TENM1: variants seen among roughly 807,000 people sequenced by gnomAD.
The protein encoded by TENM1 is teneurin transmembrane protein 1, also known as teneurin-1.
Under a neutral mutation model 174.8 loss-of-function variants are expected in TENM1, and 35 were observed. The observed-to-expected ratio is 0.20, with a 90% CI of 0.15 to 0.27. TENM1 has a LOEUF of 0.27. Among genes scored for constraint, TENM1 ranks in the 10% least tolerant of loss-of-function variants. The probability of loss-of-function intolerance (pLI) is 1.00; values close to 1 mark genes in which losing one functional copy is unlikely to be tolerated. For synonymous variants in TENM1, 781 were observed against 798.7 expected, an observed-to-expected ratio of 0.98 and a Z score of 0.37; for missense variants, 1,633 against 2,130.1, an observed-to-expected ratio of 0.77 and a Z score of 4.59.
At chrX:124,696,556 A>C (rs1603021539) in intron 5 of TENM1, among the ~76,000 whole-genome samples, 1 of 110,532 alleles carries the variant, frequency 9.0e-6, no homozygotes, top group East Asian at 2.8e-4. Flanking sequence ...TCTCTTAAGC[A>C]TTGTACAACT....
chrX:124,660,966 A>G (rs2051585391), intron 6 of TENM1, among the ~76,000 whole-genome samples: 1 of 112,484 alleles, frequency 8.9e-6, no homozygotes, highest in African/African-American at 3.2e-5. Flanking sequence ...AATAGCCCAA[A>G]AGTGAAAATC....
At chrX:124,647,326 T>C (rs1026862978) in intron 8 of TENM1, among the ~76,000 whole-genome samples, 5 of 111,931 alleles carry the variant, frequency 4.5e-5, no homozygotes, top group African/African-American at 1.6e-4. Context: ...ATGGAAGGCT[T>C]TTAAAGTAAG....
exon 32 of TENM1, chrX:124,380,095 G>A (rs2060140050): frequency 8.6e-6 from 1 of 115,978 alleles, no homozygotes; most frequent in Admixed American, 9.3e-5. Context: ...AACGTCAAAG[G>A]GCTGGCAGTC....
the TENM1 span, among the ~76,000 whole-genome samples, chrX:125,005,189 T>TACACAC: frequency 1.9e-3 from 167 of 88,767 alleles, no homozygotes; most frequent in African/African-American, 6.0e-3. Flanking sequence ...GATGTATACA[T>TACACAC]ACACACACAC....
Position 124,465,307 on chromosome X carries a change from G to A in TENM1, c.3950-11816C>T, listed in dbSNP as rs746435669. ...TCTGTCGCCCAGGCTGGAGTGCAGT[G>A]GCATGATCACAACTCACTGCAGCCT... On this transcript the variant is annotated intron_variant, in intron 22 of 31. Coordinates refer to ENST00000422452, the Ensembl canonical transcript of TENM1. 7.2e-5 allele frequency among the ~76,000 whole-genome samples: 8 copies of A among 111,888 alleles called. No homozygotes were observed. The South Asian group carries it at 3.0e-3, about 42-fold the overall frequency.
the TENM1 span, among the ~76,000 whole-genome samples, chrX:125,062,402 T>C: frequency 9.0e-6 from 1 of 111,508 alleles, no homozygotes; most frequent in Admixed American, 9.6e-5. Flanking sequence ...TCAGTGCATA[T>C]AATCAAGAAT....
chrX:124,481,456 T>C (rs1402285163), intron 22 of TENM1, among the ~76,000 whole-genome samples: 1 of 110,112 alleles, frequency 9.1e-6, no homozygotes, highest in African/African-American at 3.3e-5. Context: ...ACTCTGAGGG[T>C]TCTGGCTAAT....
chrX:124,665,139 A>G (rs1448352501), intron 6 of TENM1, among the ~76,000 whole-genome samples: 1 of 111,771 alleles, frequency 8.9e-6, no homozygotes, highest in East Asian at 2.8e-4. Flanking sequence ...GGAGTTCGAG[A>G]CCAGCCTGAC....
chrX:124,756,678 T>G (rs1156411868), intron 3 of TENM1, among the ~76,000 whole-genome samples: 1 of 111,120 alleles, frequency 9.0e-6, no homozygotes, highest in Non-Finnish European at 1.9e-5. Flanking sequence ...GGTGTGGATG[T>G]CCTTTCTGTT....
chrX:124,706,472 C>T (rs2052909541), intron 4 of TENM1, among the ~76,000 whole-genome samples: 1 of 111,623 alleles, frequency 9.0e-6, no homozygotes, highest in Non-Finnish European at 1.9e-5. Context: ...ATCCCTATTT[C>T]TATTCCCAGA....
chrX:124,772,072 A>T (rs1009124595), intron 3 of TENM1, among the ~76,000 whole-genome samples: 1 of 111,709 alleles, frequency 9.0e-6, no homozygotes, highest in African/African-American at 3.3e-5. Flanking sequence ...TTGTACTACT[A>T]TTGCTTTTAA....
At chrX:124,770,537 C>A (rs1257692119) in intron 3 of TENM1, among the ~76,000 whole-genome samples, 1 of 110,868 alleles carries the variant, frequency 9.0e-6, no homozygotes, top group Admixed American at 9.6e-5. Flanking sequence ...TCCCGAGTAG[C>A]TGGTACCACA....
chrX:124,453,228 T>C, intron 23 of TENM1, 109 bp downstream of exon 26: 2 of 783,445 alleles, frequency 2.6e-6, no homozygotes, highest in Non-Finnish European at 3.6e-6. Flanking sequence ...TATCTGGTGT[T>C]ATAACAGATA....
At chrX:124,478,159 T>G (rs996893224) in intron 22 of TENM1, among the ~76,000 whole-genome samples, 1 of 112,573 alleles carries the variant, frequency 8.9e-6, no homozygotes, top group Non-Finnish European at 1.9e-5. Flanking sequence ...AGTGTTTAAA[T>G]GCCCAATGTC....
chrX:124,864,160 A>G (rs756548137), intron 3 of TENM1, among the ~76,000 whole-genome samples: 1 of 111,916 alleles, frequency 8.9e-6, no homozygotes, highest in African/African-American at 3.2e-5. Flanking sequence ...AGACTACAAT[A>G]AACACCTAAC....
At chrX:124,651,005 A>G (rs2051293963) in intron 8 of TENM1, among the ~76,000 whole-genome samples, 1 of 112,311 alleles carries the variant, frequency 8.9e-6, no homozygotes, top group Non-Finnish European at 1.9e-5. Context: ...TGGTATATCT[A>G]TTAAAGTCAA....
intron 11 of TENM1, among the ~76,000 whole-genome samples, chrX:124,618,784 TA>T (rs1245853658): frequency 2.7e-5 from 3 of 112,255 alleles, no homozygotes; most frequent in African/African-American, 9.7e-5. Flanking sequence ...TATAAGTAAT[TA>T]AAAGTACATT....
At chrX:124,759,974 C>T in intron 3 of TENM1, among the ~76,000 whole-genome samples, 1 of 111,486 alleles carries the variant, frequency 9.0e-6, no homozygotes, top group South Asian at 3.8e-4. Context: ...CCTATAATAG[C>T]CTGAAGGCTG....
At chrX:124,699,411 G>A (rs745552881) in intron 5 of TENM1, among the ~76,000 whole-genome samples, 2 of 110,953 alleles carry the variant, frequency 1.8e-5, no homozygotes, top group South Asian at 3.8e-4. Context: ...TACTGTATGA[G>A]AAGTACTTAG....
Sources: allele counts gnomAD v4.1 joint callset (sites outside exome capture counted in the v4.1 genomes callset), GRCh38; gene constraint gnomAD v4.1.1; transcripts MANE v1.5; gene names NCBI Gene and HGNC (gene_info 2026-07-23, HGNC 2026-07-21).